Variants in ANKRD17 observed in about 807,000 individuals in gnomAD.
ANKRD17 encodes ankyrin repeat domain 17.
Under a neutral mutation model 229.7 loss-of-function variants are expected in ANKRD17, and 19 were observed. The ratio of observed to expected loss-of-function variants is 0.08; its 90% confidence interval spans 0.06 to 0.12. The LOEUF is 0.12. ANKRD17 is among the 10% of genes least tolerant of loss of function. ANKRD17 has a pLI of 1.00. For synonymous variants in ANKRD17, 1,112 were observed against 1,146.1 expected, an observed-to-expected ratio of 0.97 and a Z score of 0.60; for missense variants, 2,176 against 3,176.8, an observed-to-expected ratio of 0.68 and a Z score of 7.57.
At chr4:73,150,709 T>A (rs1730891674) in intron 7 of ANKRD17, among the ~76,000 whole-genome samples, 1 of 152,216 alleles carries the variant, frequency 6.6e-6, no homozygotes, top group Non-Finnish European at 1.5e-5. Context: ...AACTTCAGAT[T>A]CTTTGGGGGC....
chr4:73,109,152 T>C (rs190106891), intron 24 of ANKRD17, among the ~76,000 whole-genome samples: 21 of 152,094 alleles, frequency 1.4e-4, no homozygotes, highest in African/African-American at 5.1e-4. Context: ...ATACAAAAAT[T>C]AGTAGGGCAT....
At position 73,077,360 on chromosome 4, in the gene ANKRD17, C is replaced by A; in HGVS notation, c.7582G>T (p.Val2528Phe). 1 of 1,601,976 alleles carries A rather than the reference C, an allele frequency of 6.2e-7. No individual in the cohort carries two copies. Among genetic ancestry groups the A allele is most frequent in the Non-Finnish European group, 8.5e-7 (1 of 1,175,594 alleles). ...VPAGYMDFPK[V>F]GGMPFSVYGN... ...GTACAAAATCAGGACTTTACCCCAA[C>A]TTTAGGAAAGTCCATGTAGCCTGCA... is the stretch of plus-strand genomic sequence containing the variant. The change falls in exon 32 of 34, where the codon GTT (valine) becomes TTT (phenylalanine). Residue 2528 changes from valine (V) to phenylalanine (F), a missense_variant. Around this residue, in one of 18 missense-constraint regions of ANKRD17, gnomAD observed 159 missense variants for 214.3 expected, o/e 0.74. Transcript: ENST00000358602.
rs1309812387 is a variant in ANKRD17 at position 73,146,888 on chromosome 4, AAAT to A, written c.1760-18_1760-16del. On this transcript the variant is annotated splice_polypyrimidine_tract_variant and intron_variant, in intron 9 of 33. Coordinates refer to ENST00000358602, the MANE Select transcript of ANKRD17 (RefSeq NM_032217.5). ...AACGTTAGCTCCTGTAGTAGTCAAC[AAAT>A]AATACATAGACTTAATAAAGGAGCC... 1 of 1,584,232 alleles carries A rather than the reference AAAT, an allele frequency of 6.3e-7. No homozygotes were observed. Among genetic ancestry groups the A allele is most frequent in the East Asian group, 2.2e-5 (1 of 44,694 alleles).
At chr4:73,147,630 T>G (rs909721789) in intron 8 of ANKRD17, among the ~76,000 whole-genome samples, 198 bp from the exon 9 acceptor site, 1 of 152,076 alleles carries the variant, frequency 6.6e-6, no homozygotes, top group African/African-American at 2.4e-5. Flanking sequence ...ACACCCAGAT[T>G]TGATGTACCA....
At chr4:73,142,488 TC>T in intron 12 of ANKRD17, 103 bp from the exon 13 acceptor site, 1 of 1,567,888 alleles carries the variant, frequency 6.4e-7, no homozygotes, top group Non-Finnish European at 8.6e-7. Flanking sequence ...CGCATTAAAA[TC>T]ATAGGTTTGG....
intron 1 of ANKRD17, among the ~76,000 whole-genome samples, chr4:73,254,174 T>C (rs1745258717): frequency 6.6e-6 from 1 of 152,216 alleles, no homozygotes; most frequent in African/African-American, 2.4e-5. Flanking sequence ...ACAAGAATAT[T>C]TCCAAATGAA....
At chr4:73,103,943 T>C (rs542207755) in intron 24 of ANKRD17, 5 of 152,240 alleles carry the variant, frequency 3.3e-5, no homozygotes, top group South Asian at 2.1e-4. Context: ...TCTGCTAGGT[T>C]CTTGAAAAGT....
chr4:73,172,824 A>C (rs1734214133), intron 2 of ANKRD17, among the ~76,000 whole-genome samples: 1 of 152,226 alleles, frequency 6.6e-6, no homozygotes, highest in African/African-American at 2.4e-5. Context: ...AGATACAAAA[A>C]ATAAAAAGCA....
chr4:73,167,291 A>T (rs768829606), intron 2 of ANKRD17, among the ~76,000 whole-genome samples: 2 of 152,198 alleles, frequency 1.3e-5, no homozygotes, highest in African/African-American at 2.4e-5. Flanking sequence ...GGGAGAGGAA[A>T]AGTGAAAGAG....
chr4:73,159,915 A>G (rs1257553696), intron 3 of ANKRD17, among the ~76,000 whole-genome samples: 1 of 152,192 alleles, frequency 6.6e-6, no homozygotes, highest in Non-Finnish European at 1.5e-5. Flanking sequence ...GCCAAGAGAA[A>G]CAGCAAATTC....
intron 1 of ANKRD17, among the ~76,000 whole-genome samples, chr4:73,228,822 G>A (rs1035514521): frequency 6.6e-6 from 1 of 152,044 alleles, no homozygotes; most frequent in African/African-American, 2.4e-5. Context: ...TGCTATAAAG[G>A]CACATGCACA....
intron 1 of ANKRD17, among the ~76,000 whole-genome samples, chr4:73,191,178 C>A (rs1033172122): frequency 2.6e-5 from 4 of 151,836 alleles, no homozygotes; most frequent in Non-Finnish European, 5.9e-5. Flanking sequence ...TGACAATAAC[C>A]AAAACAGTGG....
At chr4:73,101,492 C>T (rs1723976477) in intron 25 of ANKRD17, among the ~76,000 whole-genome samples, 1 of 151,792 alleles carries the variant, frequency 6.6e-6, no homozygotes, top group African/African-American at 2.4e-5. Context: ...TGGCAAAACC[C>T]CATCTCTACT....
intron 7 of ANKRD17, among the ~76,000 whole-genome samples, chr4:73,149,976 C>A (rs1231959949): frequency 6.6e-6 from 1 of 152,100 alleles, no homozygotes; most frequent in Non-Finnish European, 1.5e-5. Flanking sequence ...TTCTTTTTGT[C>A]CTTCAGTAAT....
chr4:73,118,859 C>G lies in ANKRD17; in HGVS notation c.4026-9G>C, dbSNP rs771137756. The G allele has an allele frequency of 5.9e-6, 9 of 1,526,112 alleles. No homozygotes were observed. The South Asian group carries it at 9.0e-5, about 15-fold the overall frequency. 94.5% of individuals were successfully genotyped at this position (1,526,112 alleles called of 1,614,324 possible). ...CATCAATATGAGCTCCCCTAAAAAC[C>G]AATGACACAGATAGCATTGTCTTTT... On this transcript the variant is annotated splice_polypyrimidine_tract_variant and intron_variant, in intron 21 of 33. Transcript: ENST00000358602.
intron 1 of ANKRD17, among the ~76,000 whole-genome samples, chr4:73,203,343 G>A (rs888726856): frequency 7.2e-5 from 11 of 151,916 alleles, no homozygotes; most frequent in African/African-American, 2.7e-4. Flanking sequence ...AAACAATAAA[G>A]AGAAAAACAG....
Position 73,086,950 on chromosome 4 carries a change from A to ATATC in ANKRD17, c.6962-1508_6962-1505dup, listed in dbSNP as rs1197096709. 5.0e-4 allele frequency among the ~76,000 whole-genome samples: 47 copies of ATATC among 94,184 alleles called. 2 individuals carry two copies. Among genetic ancestry groups the ATATC allele is most frequent in the African/African-American group, 1.9e-3 (45 of 24,030 alleles). 61.8% of individuals were successfully genotyped at this position (94,184 alleles called of 152,430 possible). On this transcript the variant is annotated intron_variant, in intron 29 of 33. Coordinates refer to ENST00000358602, the MANE Select transcript of ANKRD17 (RefSeq NM_032217.5). ...TATATATATATATATATATATATATATATCTGTAGGATTTTAAATAGGTTT... is the reference window on the plus strand; with the variant it reads ...TATATATATATATATATATATATATATATCTATCTGTAGGATTTTAAATAGGTTT...
At chr4:73,229,588 A>C (rs1373579827) in intron 1 of ANKRD17, among the ~76,000 whole-genome samples, 1 of 151,800 alleles carries the variant, frequency 6.6e-6, no homozygotes, top group African/African-American at 2.4e-5. Flanking sequence ...CAACAAATTA[A>C]GAACTTCAAT....
Position 73,120,356 on chromosome 4 carries a change from T to C in ANKRD17, c.3850-19A>G. 1.2e-6 allele frequency: 2 copies of C among 1,610,580 alleles called. No individual in the cohort carries two copies. The highest frequency in any genetic ancestry group is 1.7e-6 in the Non-Finnish European group (2 of 1,178,176). ...GACCAGTCTAAGTTTAGTGTAAAAT[T>C]AAAAGTAATGACACGTAAGAGACTG... On this transcript the variant is annotated intron_variant, in intron 20 of 33. Coordinates refer to ENST00000358602, the MANE Select transcript of ANKRD17 (RefSeq NM_032217.5).
Sources: allele counts gnomAD v4.1 joint callset (sites outside exome capture counted in the v4.1 genomes callset), GRCh38; gene constraint gnomAD v4.1.1; regional missense constraint gnomAD v4.1.1; transcripts MANE v1.5; gene names NCBI Gene and HGNC (gene_info 2026-07-23, HGNC 2026-07-21).